Variants in SETD1A observed in about 807,000 individuals in gnomAD.
The protein encoded by SETD1A is histone-lysine N-methyltransferase SETD1A.
Under a neutral mutation model 149.9 loss-of-function variants are expected in SETD1A, and 29 were observed. That is an observed-to-expected ratio of 0.19 (90% CI 0.14 to 0.26). SETD1A has a LOEUF of 0.26. Among genes scored for constraint, SETD1A ranks in the 10% least tolerant of loss-of-function variants. SETD1A has a pLI of 1.00. For synonymous variants in SETD1A, 1,141 were observed against 968.5 expected, an observed-to-expected ratio of 1.18 and a Z score of -3.31; for missense variants, 2,109 against 2,353.1, an observed-to-expected ratio of 0.90 and a Z score of 2.15.
At position 30,977,845 on chromosome 16, in the gene SETD1A, G is replaced by C. The variant is rs552573643; in HGVS notation, c.3359-1300G>C. On this transcript the variant is annotated intron_variant, in intron 13 of 18. Coordinates refer to ENST00000262519, the MANE Select transcript of SETD1A (RefSeq NM_014712.3). ...CGGCGGCCCTGTTGGCGCTGAGCGG[G>C]GAAGCCAGTTGTGAAGCCAGTGAGT... 7.2e-5 allele frequency among the ~76,000 whole-genome samples: 11 copies of C among 152,334 alleles called. No individual in the cohort carries two copies. The South Asian group carries it at 1.2e-3, about 17-fold the overall frequency.
chr16:30,975,435 T>C (rs1052827780), intron 13 of SETD1A, among the ~76,000 whole-genome samples: 1 of 149,798 alleles, frequency 6.7e-6, no homozygotes, highest in African/African-American at 2.5e-5. Context: ...TCCCTTTTTT[T>C]TTTTTTTTTT....
chr16:30,982,329 C>T (rs527411059), intron 17 of SETD1A, among the ~76,000 whole-genome samples: 14 of 152,002 alleles, frequency 9.2e-5, no homozygotes, highest in African/African-American at 1.7e-4. Flanking sequence ...GCTAAAACCC[C>T]GTCTCTACTA....
chr16:30,979,369 G>A lies in SETD1A; in HGVS notation c.3583G>A (p.Ala1195Thr). ...TPPQAKFPGP[A>T]SRKAPRGVER... Reference sequence around the variant, plus strand: ...GCCGCAGGCCAAGTTTCCCGGCCCAGCCTCCCGCAAGGCTCCCCGGGGCGT... The same window carrying A: ...GCCGCAGGCCAAGTTTCCCGGCCCAACCTCCCGCAAGGCTCCCCGGGGCGT... Residue 1195 changes from alanine to threonine, a missense_variant, in exon 14 of 19, where the codon GCC becomes ACC. Coordinates refer to ENST00000262519, the MANE Select transcript of SETD1A (RefSeq NM_014712.3). 1 of 1,612,748 alleles carries A rather than the reference G, an allele frequency of 6.2e-7. No individual in the cohort carries two copies. Among genetic ancestry groups the A allele is most frequent in the Non-Finnish European group, 8.5e-7 (1 of 1,179,542 alleles).
chr16:30,975,335 A>G (rs1275314624), intron 13 of SETD1A, among the ~76,000 whole-genome samples: 1 of 151,888 alleles, frequency 6.6e-6, no homozygotes, highest in East Asian at 1.9e-4. Flanking sequence ...GGGTTGTGAT[A>G]TCAGCTCCCA....
chr16:30,976,892 C>A (rs557068539), intron 13 of SETD1A, among the ~76,000 whole-genome samples: 2 of 151,636 alleles, frequency 1.3e-5, no homozygotes, highest in African/African-American at 4.8e-5. Context: ...TCTGAGTTAC[C>A]GAGGACAGAG....
intron 8 of SETD1A, 32 bp downstream of exon 8, chr16:30,966,418 G>A: frequency 6.4e-7 from 1 of 1,562,544 alleles, no homozygotes; most frequent in Non-Finnish European, 8.7e-7. Context: ...GGGGAGCCCT[G>A]GGCTTTGCAG....
chr16:30,980,901 G>A lies in SETD1A; in HGVS notation c.4692+52G>A, dbSNP rs2056367987. ...GGTGGGGTGGGGTGGGGCAGGAAGG[G>A]GCAGAGGCCAGGGGACCACCCAGCA... On this transcript the variant is annotated intron_variant, in intron 16 of 18. Transcript: ENST00000262519. The surrounding 1 kb of genome is among the most constrained non-coding windows in gnomAD (Gnocchi z 7.7). 1 of 1,551,462 alleles carries A rather than the reference G, an allele frequency of 6.4e-7. No individual in the cohort carries two copies. The highest frequency in any genetic ancestry group is 8.8e-7 in the Non-Finnish European group (1 of 1,132,598).
chr16:30,967,130 G>A, intron 9 of SETD1A, 70 bp downstream of exon 9: 3 of 1,179,244 alleles, frequency 2.5e-6, no homozygotes, highest in African/African-American at 1.5e-5. Context: ...TTGGGGTAGG[G>A]GTGGTCAGGA....
chr16:30,967,643 G>A, intron 10 of SETD1A, 55 bp downstream of exon 10: 1 of 1,494,444 alleles, frequency 6.7e-7, no homozygotes, highest in Non-Finnish European at 9.3e-7. Flanking sequence ...TCTGATGGGA[G>A]AGCAAGAGGT....
At chr16:30,967,733 T>C in intron 10 of SETD1A, 145 bp downstream of exon 10, 1 of 677,128 alleles carries the variant, frequency 1.5e-6, no homozygotes, top group East Asian at 2.8e-5. Flanking sequence ...CTGAGAGGTA[T>C]GGGATGCACC....
In SETD1A at chr16:30,984,076, GC is replaced by G; in HGVS notation, c.*54del. 1 of 1,526,530 alleles carries G rather than the reference GC, an allele frequency of 6.6e-7. No homozygotes were observed. Among genetic ancestry groups the G allele is most frequent in the South Asian group, 1.2e-5 (1 of 81,364 alleles). The allele number at this position is 1,526,530 out of a possible 1,614,324, so 94.6% of individuals were successfully genotyped here. A position where few individuals can be genotyped will look rare whatever the true frequency, so the allele number is the denominator to read the frequency against. On this transcript the variant is annotated 3_prime_UTR_variant, in exon 19 of 19. Transcript: ENST00000262519. Reference sequence around the variant, plus strand: ...CTATTTATTCCCCCTGGTGCCCTGAGCTCCCAGCACCCCCCCAGCCTTAGTG... The same window carrying G: ...CTATTTATTCCCCCTGGTGCCCTGAGTCCCAGCACCCCCCCAGCCTTAGTG...
At chr16:30,960,007 C>G in intron 3 of SETD1A, among the ~76,000 whole-genome samples, 1 of 152,202 alleles carries the variant, frequency 6.6e-6, no homozygotes. Context: ...GTACCATCGA[C>G]TCAGCTGTAC....
chr16:30,969,613 TGACGAGGAA>T lies in SETD1A; in HGVS notation c.2943_2951del (p.Glu986_Glu988del). 1 of 1,614,040 alleles carries T rather than the reference TGACGAGGAA, an allele frequency of 6.2e-7. No individual in the cohort carries two copies. The highest frequency in any genetic ancestry group is 8.5e-7 in the Non-Finnish European group (1 of 1,179,900). On this transcript the variant is annotated inframe_deletion, in exon 12 of 19. Coordinates refer to ENST00000262519, the MANE Select transcript of SETD1A (RefSeq NM_014712.3). ...TCTTTTTTCTTAAGGATGAGGAGGATGACGAGGAAGATGAGGAAGATGAAGATCGAGAGG... is the reference window on the plus strand; with the variant it reads ...TCTTTTTTCTTAAGGATGAGGAGGATGATGAGGAAGATGAAGATCGAGAGG...
intron 12 of SETD1A, among the ~76,000 whole-genome samples, chr16:30,970,772 C>CCTGCT (rs1201053931): frequency 1.6e-4 from 24 of 152,210 alleles, no homozygotes; most frequent in Admixed American, 3.3e-4. Flanking sequence ...ATCTCCTGGC[C>CCTGCT]CTGCTCTGTT....
Position 30,971,159 on chromosome 16 carries a change from G to C in SETD1A, c.3017-219G>C, listed in dbSNP as rs187832598. Among the ~76,000 whole-genome samples the C allele has an allele frequency of 5.3e-4, 80 of 152,268 alleles. 1 individual carries two copies. The highest frequency in any genetic ancestry group is 1.7e-3 in the Admixed American group (26 of 15,286). ...TCCCCTGGGATGCTTTCCTTTTCGGGCCTCTTCAGACAGAGTCTGGGGCTT... is the reference window on the plus strand; with the variant it reads ...TCCCCTGGGATGCTTTCCTTTTCGGCCCTCTTCAGACAGAGTCTGGGGCTT... On this transcript the variant is annotated intron_variant, in intron 12 of 18. Transcript: ENST00000262519.
In SETD1A at chr16:30,983,603, T is replaced by A; in HGVS notation, c.4813-32T>A. 1 of 1,601,672 alleles carries A rather than the reference T, an allele frequency of 6.2e-7. No homozygotes were observed. The highest frequency in any genetic ancestry group is 8.5e-7 in the Non-Finnish European group (1 of 1,175,920). ...TGCTCAGGGGCAGGAAGTGGGGGACTCTTCCCTGACCATCGCATCTCACCC... is the reference window on the plus strand; with the variant it reads ...TGCTCAGGGGCAGGAAGTGGGGGACACTTCCCTGACCATCGCATCTCACCC... On this transcript the variant is annotated intron_variant, in intron 17 of 18. Coordinates refer to ENST00000262519, the MANE Select transcript of SETD1A (RefSeq NM_014712.3). The surrounding 1 kb of genome is among the most constrained non-coding windows in gnomAD (Gnocchi z 6.8).
Position 30,967,552 on chromosome 16 carries a change from C to T in SETD1A, c.2734C>T (p.Pro912Ser). ...TTCCGAGGCCAGTGAGGAAAAGAGG[C>T]CTCGTCCCTCCACTCCTGCTGAGGA... ...EISEASEEKRPRPSTPAEEDE... is the reference protein window; with the variant it reads ...EISEASEEKRSRPSTPAEEDE... The change falls in exon 10 of 19, where the codon CCT becomes TCT. Residue 912 changes from proline (P) to serine (S), a missense_variant. Pro to Ser is a moderately conservative substitution (Grantham distance 74, BLOSUM62 -1). Around this residue, in one of 8 missense-constraint regions of SETD1A, gnomAD observed 832 missense variants for 815.6 expected, o/e 1.02. Coordinates refer to ENST00000262519, the MANE Select transcript of SETD1A (RefSeq NM_014712.3). The T allele has an allele frequency of 6.2e-7, 1 of 1,613,920 alleles. No homozygotes were observed. Among genetic ancestry groups the T allele is most frequent in the Non-Finnish European group, 8.5e-7 (1 of 1,179,958 alleles).
At chr16:30,981,664 C>T (rs988106111) in intron 17 of SETD1A, among the ~76,000 whole-genome samples, 1 of 152,236 alleles carries the variant, frequency 6.6e-6, no homozygotes, top group Non-Finnish European at 1.5e-5. Flanking sequence ...CGTGAGCCAT[C>T]GCATCCAGCC....
At position 30,961,571 on chromosome 16, in the gene SETD1A, C is replaced by T. The variant is rs904978350; in HGVS notation, c.517+34C>T. ...TCCTCTGCCTGCCACTCAGGCTTGG[C>T]CTCCAGCGGAGGTTGTACATGCAAA... is the stretch of plus-strand genomic sequence containing the variant. On this transcript the variant is annotated intron_variant, in intron 4 of 18. Transcript: ENST00000262519. The surrounding 1 kb of genome is among the most constrained non-coding windows in gnomAD (Gnocchi z 4.0). 1.1e-5 allele frequency: 17 copies of T among 1,604,828 alleles called. No individual in the cohort carries two copies. Among genetic ancestry groups the T allele is most frequent in the African/African-American group, 4.0e-5 (3 of 74,340 alleles).
Sources: gnomAD v4.1 joint callset for allele counts (sites outside exome capture counted in the v4.1 genomes callset) on GRCh38, gnomAD v4.1.1 for gene constraint, gnomAD v4.1.1 regional missense constraint, Gnocchi (gnomAD v3.1) non-coding constraint, MANE v1.5 for transcripts, NCBI Gene and HGNC (gene_info 2026-07-23, HGNC 2026-07-21) for gene names.